CD44: variants seen among roughly 807,000 people sequenced by gnomAD.
The protein encoded by CD44 is CD44 antigen.
In CD44, 49 loss-of-function variants were observed where a neutral mutation model predicts 88.8. The ratio of observed to expected loss-of-function variants is 0.55; its 90% CI spans 0.44 to 0.70. The LOEUF (loss-of-function observed/expected upper bound fraction) is 0.70, where lower values mean the gene tolerates loss of function less well. Ranked by LOEUF, CD44 falls within the 30% of genes least tolerant of loss-of-function variation. CD44 has a pLI of 0.00. For missense variants in CD44, 883 were observed against 913.8 expected, an observed-to-expected ratio of 0.97 and a Z score of 0.43; for synonymous variants, 325 against 312.3, an observed-to-expected ratio of 1.04 and a Z score of -0.43.
chr11:35,187,876 T>C (rs529060374), intron 4 of CD44, among the ~76,000 whole-genome samples: 1 of 152,338 alleles, frequency 6.6e-6, no homozygotes, highest in East Asian at 1.9e-4. Flanking sequence ...ATTCGGGCAC[T>C]TTTTAAAAAT....
In CD44 at chr11:35,231,930, A is replaced by T. The variant is rs1404055596; in HGVS notation, c.*2597A>T. ...AGTGAAAAATCAAAAGAGACAAAAGACATCTTCGAATCCATATTTCAAGCC... is the reference window on the plus strand; with the variant it reads ...AGTGAAAAATCAAAAGAGACAAAAGTCATCTTCGAATCCATATTTCAAGCC... On this transcript the variant is annotated 3_prime_UTR_variant, in exon 18 of 18. Transcript: ENST00000428726. The T allele has an allele frequency of 1.3e-5, 2 of 152,244 alleles. No homozygotes were observed. The highest frequency in any genetic ancestry group is 4.8e-5 in the African/African-American group (2 of 41,466). 9.4% of individuals were successfully genotyped at this position (152,244 alleles called of 1,614,324 possible).
chr11:35,149,007 G>A (rs570251504), intron 1 of CD44, among the ~76,000 whole-genome samples: 4 of 152,218 alleles, frequency 2.6e-5, no homozygotes, highest in Middle Eastern at 3.4e-3. Context: ...TCTTTCTTGA[G>A]GTTTGAAATG....
chr11:35,196,902 T>C, intron 6 of CD44, 28 bp downstream of exon 6: 1 of 1,606,012 alleles, frequency 6.2e-7, no homozygotes, highest in Non-Finnish European at 8.5e-7. Flanking sequence ...TCTCATAGCG[T>C]ATGTTTTCTT....
intron 5 of CD44, among the ~76,000 whole-genome samples, chr11:35,194,592 T>C (rs1278775477): frequency 2.0e-5 from 3 of 152,198 alleles, no homozygotes; most frequent in East Asian, 3.8e-4. Context: ...TCAGACCTTT[T>C]AGTGTTAGGG....
chr11:35,178,518 T>A (rs1944684205), intron 2 of CD44, among the ~76,000 whole-genome samples: 1 of 152,228 alleles, frequency 6.6e-6, no homozygotes, highest in Non-Finnish European at 1.5e-5. Context: ...GACCAAGTCC[T>A]CCTCAGGGGC....
At chr11:35,188,133 TGCTTCCTCACA>T (rs1312814186) in intron 4 of CD44, among the ~76,000 whole-genome samples, 2 of 152,248 alleles carry the variant, frequency 1.3e-5, no homozygotes, top group African/African-American at 4.8e-5. Flanking sequence ...GTCTGATTTC[TGCTTCCTCACA>T]GCTGGATACT....
At chr11:35,140,562 C>T (rs1857705108) in intron 1 of CD44, among the ~76,000 whole-genome samples, 1 of 152,144 alleles carries the variant, frequency 6.6e-6, no homozygotes, top group African/African-American at 2.4e-5. Flanking sequence ...TCTCTATCTT[C>T]CTACTTTCTG....
chr11:35,225,843 A>C (rs1949660858), intron 17 of CD44, among the ~76,000 whole-genome samples: 1 of 152,120 alleles, frequency 6.6e-6, no homozygotes. Context: ...ACAAACAAAC[A>C]AACAAACAAA....
chr11:35,193,391 C>T (rs1946458886), intron 5 of CD44, among the ~76,000 whole-genome samples: 1 of 152,164 alleles, frequency 6.6e-6, no homozygotes, highest in South Asian at 2.1e-4. Flanking sequence ...ACATACTGTG[C>T]CAGCTGTTGG....
intron 1 of CD44, among the ~76,000 whole-genome samples, chr11:35,174,605 G>A (rs77794398): frequency 2.6e-5 from 4 of 152,302 alleles, no homozygotes; most frequent in Non-Finnish European, 5.9e-5. Context: ...AGAAGAGGAT[G>A]ATTTCTAGCT....
chr11:35,170,399 G>A (rs1371045112), intron 1 of CD44, among the ~76,000 whole-genome samples: 1 of 152,146 alleles, frequency 6.6e-6, no homozygotes, highest in Non-Finnish European at 1.5e-5. Context: ...TCCCATGTGG[G>A]TAGGGAGATA....
chr11:35,147,854 C>T (rs1041623033), intron 1 of CD44, among the ~76,000 whole-genome samples: 12 of 151,908 alleles, frequency 7.9e-5, no homozygotes, highest in Admixed American at 4.6e-4. Flanking sequence ...TTTGGGAGGC[C>T]GAGGCAGGCG....
rs1950053043 is a variant in CD44, at chr11:35,231,480, C to T, written c.*2147C>T. ...AGAGGCTGAGACAGGAGGTTATTTTCAATTTTATTTTGGAATTAAATACTT... is the reference window on the plus strand; with the variant it reads ...AGAGGCTGAGACAGGAGGTTATTTTTAATTTTATTTTGGAATTAAATACTT... On this transcript the variant is annotated 3_prime_UTR_variant, in exon 18 of 18. Transcript: ENST00000428726. 6.6e-6 allele frequency: 1 copy of T among 152,190 alleles called. No individual in the cohort carries two copies. Among genetic ancestry groups the T allele is most frequent in the African/African-American group, 2.4e-5 (1 of 41,456 alleles). 9.4% of individuals were successfully genotyped at this position (152,190 alleles called of 1,614,324 possible).
chr11:35,209,185 CT>C (rs1948169913), intron 12 of CD44, among the ~76,000 whole-genome samples: 1 of 149,998 alleles, frequency 6.7e-6, no homozygotes, highest in African/African-American at 2.5e-5. Flanking sequence ...GTTTTTGCAC[CT>C]GCAACTCAGG....
At chr11:35,171,534 C>G (rs141110107) in intron 1 of CD44, among the ~76,000 whole-genome samples, 4 of 152,182 alleles carry the variant, frequency 2.6e-5, no homozygotes, top group Non-Finnish European at 1.5e-5. Context: ...CTGTTTCATC[C>G]TGTCTTGGCT....
Position 35,139,246 on chromosome 11 carries a change from C to A in CD44, c.-58C>A. ...GTCCCGTCCTCCGCCGGCCCCTGCC[C>A]CGCGCCCAGGGATCCTCCAGCTCCT... On this transcript the variant is annotated 5_prime_UTR_variant, in exon 1 of 18. Coordinates refer to ENST00000428726, the MANE Select transcript of CD44 (RefSeq NM_000610.4). The A allele has an allele frequency of 7.0e-7, 1 of 1,427,952 alleles. No homozygotes were observed. The highest frequency in any genetic ancestry group is 1.4e-5 in the African/African-American group (1 of 70,644). The allele number at this position is 1,427,952 out of a possible 1,614,324, so 88.5% of individuals were successfully genotyped here. A position where few individuals can be genotyped will look rare whatever the true frequency, so the allele number is the denominator to read the frequency against.
intron 1 of CD44, among the ~76,000 whole-genome samples, chr11:35,149,247 G>A (rs951673340): frequency 3.3e-5 from 5 of 152,100 alleles, no homozygotes; most frequent in Non-Finnish European, 5.9e-5. Context: ...TGTTTCTTTC[G>A]GTCAATGGTT....
At position 35,190,011 on chromosome 11, in the gene CD44, C is replaced by T; in HGVS notation, c.613C>T (p.Pro205Ser). ...FYTFSTVHPI[P>S]DEDSPWITDS... is the part of the protein sequence containing the mutation. Reference sequence around the variant, plus strand: ...CACCTTTTCTACTGTACACCCCATCCCAGACGAAGACAGTCCCTGGATCAC... The same window carrying T: ...CACCTTTTCTACTGTACACCCCATCTCAGACGAAGACAGTCCCTGGATCAC... Residue 205 changes from proline to serine, a missense_variant, in exon 5 of 18, where the codon CCA becomes TCA. Pro to Ser is a moderately conservative substitution (Grantham distance 74). Transcript: ENST00000428726. 1 of 1,614,204 alleles carries T rather than the reference C, an allele frequency of 6.2e-7. No individual in the cohort carries two copies. Among genetic ancestry groups the T allele is most frequent in the Non-Finnish European group, 8.5e-7 (1 of 1,180,036 alleles).
chr11:35,206,666 T>TGAA (rs1554971888), intron 11 of CD44, among the ~76,000 whole-genome samples: 2 of 115,868 alleles, frequency 1.7e-5, no homozygotes, highest in African/African-American at 9.0e-5. Flanking sequence ...TGGTGGGGGT[T>TGAA]GGTGGGGGGG....
Sources: allele counts gnomAD v4.1 joint callset (sites outside exome capture counted in the v4.1 genomes callset), GRCh38; gene constraint gnomAD v4.1.1; transcripts MANE v1.5; gene names NCBI Gene and HGNC (gene_info 2026-07-23, HGNC 2026-07-21).